The following SLC44A1 variants were observed in gnomAD, a reference collection of about 807,000 sequenced individuals.
SLC44A1 encodes the protein choline transporter-like protein 1.
SLC44A1 carries 26 observed loss-of-function variants against 79.3 expected under a neutral mutation model. The observed-to-expected ratio is 0.33, with a 90% CI of 0.24 to 0.46. The LOEUF (loss-of-function observed/expected upper bound fraction) is 0.46. Ranked by LOEUF, SLC44A1 falls within the 20% of genes least tolerant of loss-of-function variation. The pLI is 1.00. For missense variants in SLC44A1, 688 were observed against 798.1 expected, an observed-to-expected ratio of 0.86 and a Z score of 1.66; for synonymous variants, 263 against 286.2, an observed-to-expected ratio of 0.92 and a Z score of 0.82.
intron 7 of SLC44A1, 35 bp downstream of exon 7, chr9:105,358,468 C>T (rs767809189): frequency 9.8e-7 from 1 of 1,022,282 alleles, no homozygotes; most frequent in Non-Finnish European, 1.5e-6. Flanking sequence ...CTACCTCAGC[C>T]TCTTAACTAC....
intron 1 of SLC44A1, among the ~76,000 whole-genome samples, chr9:105,268,963 C>T (rs183490320): frequency 1.3e-5 from 2 of 152,294 alleles, no homozygotes; most frequent in East Asian, 3.9e-4. Flanking sequence ...AGCCAGCTTT[C>T]CCTTTTGTGC....
At chr9:105,335,780 AATT>A (rs1826899298) in intron 4 of SLC44A1, 81 bp downstream of exon 4, 1 of 1,298,466 alleles carries the variant, frequency 7.7e-7, no homozygotes, top group Non-Finnish European at 1.1e-6. Context: ...GTGTTAAATA[AATT>A]ATCAAGGAAC....
At chr9:105,356,430 A>G (rs368935652) in intron 6 of SLC44A1, 49 bp downstream of exon 6, 11 of 1,356,180 alleles carry the variant, frequency 8.1e-6, no homozygotes, top group African/African-American at 2.9e-5. Flanking sequence ...GCAGAAGAAG[A>G]CTGTTTTGTC....
intron 6 of SLC44A1, among the ~76,000 whole-genome samples, chr9:105,357,706 T>C (rs1445131835): frequency 2.6e-5 from 4 of 152,176 alleles, no homozygotes; most frequent in African/African-American, 9.7e-5. Context: ...TTTGCTCCTT[T>C]TTGAGGAAGG....
At chr9:105,323,197 CAG>C in intron 3 of SLC44A1, among the ~76,000 whole-genome samples, 1 of 117,298 alleles carries the variant, frequency 8.5e-6, no homozygotes, top group African/African-American at 3.2e-5. Flanking sequence ...GCCTGGGCAA[CAG>C]AGTGAAACTC....
At chr9:105,319,914 G>T (rs1826332402) in intron 3 of SLC44A1, among the ~76,000 whole-genome samples, 1 of 152,170 alleles carries the variant, frequency 6.6e-6, no homozygotes, top group Non-Finnish European at 1.5e-5. Context: ...ACTCATTCAA[G>T]TGTAGTTTGA....
chr9:105,417,211 A>G (rs13301941), intron 15 of SLC44A1, among the ~76,000 whole-genome samples: 6,498 of 152,260 alleles, frequency 0.043, 221 homozygotes, highest in African/African-American at 0.099. Flanking sequence ...TGGTTCCTAG[A>G]ACCTGAGGCA....
intron 13 of SLC44A1, among the ~76,000 whole-genome samples, chr9:105,381,757 C>T (rs1828473129): frequency 6.6e-6 from 1 of 152,132 alleles, no homozygotes; most frequent in African/African-American, 2.4e-5. Flanking sequence ...CCCAGATTTG[C>T]TCCCTAGAAG....
Position 105,365,614 on chromosome 9 carries a change from A to G in SLC44A1, c.1385A>G (p.Tyr462Cys). 1 of 1,613,868 alleles carries G rather than the reference A, an allele frequency of 6.2e-7. No individual in the cohort carries two copies. Among genetic ancestry groups the G allele is most frequent in the Non-Finnish European group, 8.5e-7 (1 of 1,179,804 alleles). The part of the protein sequence containing the change: ...LVKIPRMILM[Y>C]IHSQLKGKEN... ...AAAATTCCGCGAATGATCCTTATGT[A>G]TATTCACAGTCAGCTCAAAGGAAAG... Residue 462 changes from tyrosine to cysteine, a missense_variant, in exon 11 of 16, where the codon TAT becomes TGT. Physicochemically the swap from Tyr to Cys is radical, Grantham distance 194. Transcript: ENST00000374720.
chr9:105,360,417 T>G (rs1402669202), intron 7 of SLC44A1, among the ~76,000 whole-genome samples: 1 of 152,244 alleles, frequency 6.6e-6, no homozygotes, highest in Non-Finnish European at 1.5e-5. Flanking sequence ...TATTATTATA[T>G]AAGTTCCATG....
chr9:105,344,361 A>G (rs1323753775), intron 4 of SLC44A1, among the ~76,000 whole-genome samples: 1 of 152,160 alleles, frequency 6.6e-6, no homozygotes, highest in Non-Finnish European at 1.5e-5. Context: ...CTCAAAGATA[A>G]TTGGCAATGT....
At chr9:105,379,295 A>G (rs897227324) in intron 13 of SLC44A1, among the ~76,000 whole-genome samples, 1 of 152,176 alleles carries the variant, frequency 6.6e-6, no homozygotes, top group African/African-American at 2.4e-5. Context: ...TAAAATGACA[A>G]GAGTATGGAA....
chr9:105,320,142 A>G (rs1461044229), intron 3 of SLC44A1, among the ~76,000 whole-genome samples: 2 of 152,182 alleles, frequency 1.3e-5, no homozygotes, highest in Non-Finnish European at 1.5e-5. Flanking sequence ...CTTTTAAAAC[A>G]TATAATAATG....
intron 1 of SLC44A1, among the ~76,000 whole-genome samples, chr9:105,270,923 C>G (rs1445591988): frequency 6.6e-6 from 1 of 152,180 alleles, no homozygotes; most frequent in African/African-American, 2.4e-5. Flanking sequence ...ATGAGACAGG[C>G]GTTTCTGAAC....
chr9:105,413,835 G>A (rs982261681), intron 15 of SLC44A1, among the ~76,000 whole-genome samples: 8 of 152,292 alleles, frequency 5.3e-5, no homozygotes, highest in African/African-American at 1.9e-4. Flanking sequence ...AGGAGAAGAC[G>A]TGATCCCCCT....
intron 9 of SLC44A1, among the ~76,000 whole-genome samples, 158 bp downstream of exon 9, chr9:105,363,165 T>C (rs1342880186): frequency 2.0e-5 from 3 of 148,090 alleles, no homozygotes; most frequent in African/African-American, 7.9e-5. Flanking sequence ...CTACTTCATA[T>C]TCGTCTTTTT....
At chr9:105,308,455 C>T (rs1005403551) in intron 2 of SLC44A1, among the ~76,000 whole-genome samples, 28 of 152,322 alleles carry the variant, frequency 1.8e-4, no homozygotes, top group African/African-American at 6.3e-4. Context: ...TACTCTCAGT[C>T]TACTTTTTTA....
intron 15 of SLC44A1, among the ~76,000 whole-genome samples, chr9:105,419,263 G>C (rs1829213420): frequency 6.6e-6 from 1 of 152,172 alleles, no homozygotes; most frequent in African/African-American, 2.4e-5. Context: ...GGGAGATAAT[G>C]ATGATCCTGA....
intron 15 of SLC44A1, among the ~76,000 whole-genome samples, chr9:105,437,046 A>G (rs1246039810): frequency 6.6e-6 from 1 of 152,148 alleles, no homozygotes; most frequent in South Asian, 2.1e-4. Flanking sequence ...CTTATCCTGC[A>G]GTGGCTCTGG....
Sources: gnomAD v4.1 joint callset for allele counts (sites outside exome capture counted in the v4.1 genomes callset) on GRCh38, gnomAD v4.1.1 for gene constraint, MANE v1.5 for transcripts, NCBI Gene and HGNC (gene_info 2026-07-23, HGNC 2026-07-21) for gene names.